The following SGPP2 variants were observed in gnomAD, a reference collection of about 807,000 sequenced individuals.
SGPP2 encodes sphingosine-1-phosphate phosphatase 2, also known as sphingosine 1-phosphate phosphohydrolase 2.
Under a neutral mutation model 33.9 loss-of-function variants are expected in SGPP2, and 30 were observed. The observed-to-expected ratio is 0.89, with a 90% CI of 0.66 to 1.20. The LOEUF (loss-of-function observed/expected upper bound fraction) is 1.20. SGPP2 is among the 50% of genes most tolerant of loss of function. The pLI, the probability that SGPP2 is intolerant of heterozygous loss-of-function variation, is 0.00. For missense variants in SGPP2, 458 were observed against 532.1 expected (o/e 0.86, Z 1.37); for synonymous variants, 233 against 225.0 (o/e 1.04, Z -0.32).
chr2:222,457,592 T>A (rs1168772824), intron 1 of SGPP2, among the ~76,000 whole-genome samples: 6 of 152,216 alleles, frequency 3.9e-5, no homozygotes, highest in Non-Finnish European at 4.4e-5. Flanking sequence ...TATCTTCACA[T>A]CTGTGTCTTC....
At chr2:222,523,890 A>G (rs994455404) in intron 3 of SGPP2, among the ~76,000 whole-genome samples, 1 of 152,206 alleles carries the variant, frequency 6.6e-6, no homozygotes, top group African/African-American at 2.4e-5. Context: ...GACTTAGTTA[A>G]TGATAAACCT....
chr2:222,521,832 A>G lies in SGPP2; in HGVS notation c.444A>G (p.Pro148=). 1 of 1,611,008 alleles carries G rather than the reference A, an allele frequency of 6.2e-7. No homozygotes were observed. The highest frequency in any genetic ancestry group is 8.5e-7 in the Non-Finnish European group (1 of 1,178,948). ...AGTGGCCCCGTCCCTCCTCCCCTCCAGTTGTAAAACTGGAAAAGAGACTGA... is the reference window on the plus strand; with the variant it reads ...AGTGGCCCCGTCCCTCCTCCCCTCCGGTTGTAAAACTGGAAAAGAGACTGA... ...VLKWPRPSSP[P]VVKLEKRLIA... The change falls in exon 3 of 5, where the codon CCA becomes CCG. Residue 148 remains proline (P), a synonymous_variant. Coordinates refer to ENST00000321276, the MANE Select transcript of SGPP2 (RefSeq NM_152386.4).
At chr2:222,485,783 G>A (rs907996741) in intron 2 of SGPP2, among the ~76,000 whole-genome samples, 1 of 152,176 alleles carries the variant, frequency 6.6e-6, no homozygotes. Context: ...CTCCTCACCA[G>A]CTCTCCTGTC....
chr2:222,428,617 G>C (rs1052201221), intron 1 of SGPP2, among the ~76,000 whole-genome samples: 1 of 152,056 alleles, frequency 6.6e-6, no homozygotes, highest in Non-Finnish European at 1.5e-5. Flanking sequence ...CTCTAAATCT[G>C]TTAATCTACG....
At chr2:222,544,154 A>G (rs1421942580) in intron 4 of SGPP2, among the ~76,000 whole-genome samples, 1 of 152,202 alleles carries the variant, frequency 6.6e-6, no homozygotes, top group East Asian at 1.9e-4. Context: ...TTATTATCCC[A>G]TTTCTACAGA....
intron 1 of SGPP2, among the ~76,000 whole-genome samples, chr2:222,443,154 A>T (rs1697351425): frequency 6.6e-6 from 1 of 152,226 alleles, no homozygotes; most frequent in African/African-American, 2.4e-5. Flanking sequence ...TGCATCATGG[A>T]TTGAAACCAT....
intron 1 of SGPP2, among the ~76,000 whole-genome samples, chr2:222,432,393 G>A (rs1697169997): frequency 6.6e-6 from 1 of 152,210 alleles, no homozygotes; most frequent in Non-Finnish European, 1.5e-5. Context: ...AGGTTGCCAT[G>A]TTTTGAATCA....
chr2:222,448,242 G>T (rs565755460), intron 1 of SGPP2, among the ~76,000 whole-genome samples: 3 of 152,194 alleles, frequency 2.0e-5, no homozygotes, highest in African/African-American at 7.2e-5. Context: ...TTTTATCTTT[G>T]CTCTACATCA....
chr2:222,449,953 A>G (rs6758611), intron 1 of SGPP2, among the ~76,000 whole-genome samples: 36,721 of 152,092 alleles, frequency 0.24, 5,757 homozygotes, highest in Admixed American at 0.41. Flanking sequence ...TTGAGGTGGC[A>G]GAATTTGTCT....
At chr2:222,469,722 T>C (rs1040437331) in intron 1 of SGPP2, among the ~76,000 whole-genome samples, 3 of 152,204 alleles carry the variant, frequency 2.0e-5, no homozygotes, top group Non-Finnish European at 4.4e-5. Context: ...CTGAAATTCC[T>C]ACTATTTCCA....
chr2:222,434,547 A>C (rs904022201), intron 1 of SGPP2, among the ~76,000 whole-genome samples: 1 of 152,166 alleles, frequency 6.6e-6, no homozygotes, highest in Admixed American at 6.5e-5. Flanking sequence ...TCCTCCCCCA[A>C]ATGCTCATTG....
chr2:222,450,379 T>C (rs1697465427), intron 1 of SGPP2, among the ~76,000 whole-genome samples: 1 of 152,242 alleles, frequency 6.6e-6, no homozygotes, highest in Non-Finnish European at 1.5e-5. Context: ...GTGGAAATTT[T>C]CCAAATAATC....
At chr2:222,494,568 A>G (rs911993997) in intron 2 of SGPP2, among the ~76,000 whole-genome samples, 6 of 152,232 alleles carry the variant, frequency 3.9e-5, no homozygotes, top group Admixed American at 1.3e-4. Flanking sequence ...ATGTGTTCAC[A>G]TGAGACATGC....
intron 2 of SGPP2, 31 bp downstream of exon 2, chr2:222,474,757 C>A (rs781343776): frequency 1.3e-6 from 2 of 1,546,828 alleles, no homozygotes. Context: ...TTAACTGATG[C>A]TACTTCTAAA....
intron 1 of SGPP2, among the ~76,000 whole-genome samples, chr2:222,429,037 C>G: frequency 6.6e-6 from 1 of 152,126 alleles, no homozygotes; most frequent in East Asian, 1.9e-4. Flanking sequence ...GGTGATGTGC[C>G]TGCCTCAGCC....
chr2:222,439,893 A>G (rs778151989), intron 1 of SGPP2, among the ~76,000 whole-genome samples: 1 of 152,202 alleles, frequency 6.6e-6, no homozygotes, highest in Non-Finnish European at 1.5e-5. Flanking sequence ...GGCTCTACAC[A>G]TGTGCCAAGG....
intron 4 of SGPP2, among the ~76,000 whole-genome samples, chr2:222,539,654 G>C (rs1025855357): frequency 6.6e-6 from 1 of 152,228 alleles, no homozygotes; most frequent in Non-Finnish European, 1.5e-5. Flanking sequence ...TGGAGCTCAC[G>C]TTTCTGAGGC....
At chr2:222,534,546 A>G (rs2106143833) in intron 4 of SGPP2, among the ~76,000 whole-genome samples, 1 of 152,332 alleles carries the variant, frequency 6.6e-6, no homozygotes, top group East Asian at 1.9e-4. Flanking sequence ...CAGACCATAC[A>G]AAACTGTGTT....
intron 4 of SGPP2, among the ~76,000 whole-genome samples, chr2:222,538,652 A>G (rs753711317): frequency 6.6e-6 from 1 of 152,208 alleles, no homozygotes; most frequent in Non-Finnish European, 1.5e-5. Flanking sequence ...ACAGTTCTGC[A>G]GGAAGCATAG....
Sources: allele counts gnomAD v4.1 joint callset (sites outside exome capture counted in the v4.1 genomes callset), GRCh38; gene constraint gnomAD v4.1.1; transcripts MANE v1.5; gene names NCBI Gene and HGNC (gene_info 2026-07-23, HGNC 2026-07-21).